Variants in SMYD3 observed in about 807,000 individuals in gnomAD.
The protein encoded by SMYD3 is SET and MYND domain containing 3.
Under a neutral mutation model 57.7 loss-of-function variants are expected in SMYD3, and 36 were observed. The observed-to-expected ratio is 0.62, with a 90% CI of 0.48 to 0.82. The LOEUF (loss-of-function observed/expected upper bound fraction) is 0.82. SMYD3 is among the 40% of genes least tolerant of loss of function. SMYD3 has a pLI of 0.00. For missense variants in SMYD3, 515 were observed against 538.8 expected, an observed-to-expected ratio of 0.96 and a Z score of 0.44; for synonymous variants, 211 against 195.0, an observed-to-expected ratio of 1.08 and a Z score of -0.68.
intron 2 of SMYD3, among the ~76,000 whole-genome samples, chr1:246,336,279 A>G (rs1259120863): frequency 1.3e-5 from 2 of 152,220 alleles, no homozygotes; most frequent in African/African-American, 4.8e-5. Flanking sequence ...TCACTTTCAT[A>G]TGGAAATAAA....
At chr1:246,079,602 T>A (rs2060605186) in intron 5 of SMYD3, among the ~76,000 whole-genome samples, 1 of 152,174 alleles carries the variant, frequency 6.6e-6, no homozygotes, top group Non-Finnish European at 1.5e-5. Flanking sequence ...TATATCATCA[T>A]CCCCCGACTG....
intron 1 of SMYD3, among the ~76,000 whole-genome samples, chr1:246,379,464 G>GA (rs1395380239): frequency 6.6e-6 from 1 of 152,052 alleles, no homozygotes; most frequent in African/African-American, 2.4e-5. Flanking sequence ...TAGAAAATCA[G>GA]AATTTTATAA....
intron 8 of SMYD3, among the ~76,000 whole-genome samples, chr1:245,879,729 C>T (rs2052674705): frequency 6.6e-6 from 1 of 152,188 alleles, no homozygotes; most frequent in Admixed American, 6.5e-5. Context: ...ATTCTTACTC[C>T]ACTCTGAAGA....
intron 1 of SMYD3, among the ~76,000 whole-genome samples, chr1:246,475,254 G>A (rs750429535): frequency 4.6e-5 from 7 of 151,526 alleles, no homozygotes; most frequent in Non-Finnish European, 8.8e-5. Flanking sequence ...GCTTGAACCC[G>A]GAAGAGGAGG....
At chr1:246,499,372 A>T (rs1016759757) in intron 1 of SMYD3, among the ~76,000 whole-genome samples, 7 of 150,222 alleles carry the variant, frequency 4.7e-5, no homozygotes, top group Non-Finnish European at 1.0e-4. Context: ...TATATGTAAC[A>T]ATTTTTTAAG....
chr1:245,884,626 A>C (rs935928687), intron 8 of SMYD3, among the ~76,000 whole-genome samples: 3 of 152,124 alleles, frequency 2.0e-5, no homozygotes, highest in Non-Finnish European at 4.4e-5. Flanking sequence ...CACGTGATTG[A>C]CAAAAGGGAA....
intron 5 of SMYD3, chr1:246,326,133 C>T (rs2065344881): frequency 5.4e-6 from 2 of 372,524 alleles, no homozygotes; most frequent in Non-Finnish European, 4.8e-6. Flanking sequence ...TTTAATTTTT[C>T]AGAAAACAGT....
chr1:246,147,612 C>G (rs1255320113), intron 5 of SMYD3, among the ~76,000 whole-genome samples: 1 of 151,772 alleles, frequency 6.6e-6, no homozygotes, highest in Non-Finnish European at 1.5e-5. Context: ...GCTTCCTGCT[C>G]TATGGAGCAG....
chr1:246,459,045 AGGGGCCTGAT>A (rs993037479), intron 1 of SMYD3, among the ~76,000 whole-genome samples: 2 of 151,996 alleles, frequency 1.3e-5, no homozygotes, highest in Non-Finnish European at 2.9e-5. Flanking sequence ...GTGTTGAAGG[AGGGGCCTGAT>A]GGGGGGGTGA....
At chr1:246,118,123 CT>C (rs2061370743) in intron 5 of SMYD3, among the ~76,000 whole-genome samples, 1 of 152,032 alleles carries the variant, frequency 6.6e-6, no homozygotes, top group Non-Finnish European at 1.5e-5. Flanking sequence ...ACCTGAAGTG[CT>C]AAAAAATTTC....
intron 5 of SMYD3, among the ~76,000 whole-genome samples, chr1:246,046,019 T>A (rs1052623684): frequency 1.3e-5 from 2 of 152,206 alleles, no homozygotes; most frequent in African/African-American, 4.8e-5. Context: ...ACTTTTACAT[T>A]GTTGGTGGGA....
At chr1:246,062,169 T>A (rs1005259057) in intron 5 of SMYD3, among the ~76,000 whole-genome samples, 1 of 109,626 alleles carries the variant, frequency 9.1e-6, no homozygotes, top group Non-Finnish European at 1.8e-5. Context: ...CCACATGTGA[T>A]TCATTCACAT....
intron 11 of SMYD3, among the ~76,000 whole-genome samples, chr1:245,757,282 C>A (rs1045492496): frequency 1.3e-5 from 2 of 152,036 alleles, no homozygotes; most frequent in African/African-American, 2.4e-5. Context: ...ATAATGCCTT[C>A]AAGGTTCATT....
chr1:245,763,957 G>T, intron 11 of SMYD3, 84 bp downstream of exon 11: 1 of 1,010,002 alleles, frequency 9.9e-7, no homozygotes, highest in Non-Finnish European at 1.6e-6. Flanking sequence ...CATACATAGA[G>T]CTGCTAACAA....
At chr1:245,765,699 A>G (rs914955064) in intron 10 of SMYD3, among the ~76,000 whole-genome samples, 3 of 152,122 alleles carry the variant, frequency 2.0e-5, no homozygotes, top group African/African-American at 7.2e-5. Context: ...GAAGGGAAGC[A>G]TATCCCAACC....
intron 5 of SMYD3, among the ~76,000 whole-genome samples, chr1:246,182,777 A>AG (rs1460671528): frequency 6.6e-6 from 1 of 152,170 alleles, no homozygotes; most frequent in Non-Finnish European, 1.5e-5. Context: ...AAGACTCAGG[A>AG]GGCCATTTCC....
intron 5 of SMYD3, among the ~76,000 whole-genome samples, chr1:246,244,439 C>T (rs2063669669): frequency 6.6e-6 from 1 of 151,930 alleles, no homozygotes; most frequent in Non-Finnish European, 1.5e-5. Flanking sequence ...TGGATAATAC[C>T]ACTTTATAAA....
rs533763806 is a variant in SMYD3 at position 246,354,764 on chromosome 1, G to A, written c.228+267C>T. Among the ~76,000 whole-genome samples, 142 of 152,120 alleles carry A rather than the reference G, an allele frequency of 9.3e-4. 1 individual carries two copies. Among genetic ancestry groups the A allele is most frequent in the Non-Finnish European group, 1.6e-3 (108 of 67,982 alleles). On this transcript the variant is annotated intron_variant, in intron 2 of 11. Coordinates refer to ENST00000490107, the MANE Select transcript of SMYD3 (RefSeq NM_001167740.2). The stretch of plus-strand genomic sequence containing the variant: ...GCCTGTGGAAATGAGAATTGAAGTC[G>A]GGGGGCAATAAGATGGGGAGGAATA...
chr1:246,101,808 C>T (rs1034015627), intron 5 of SMYD3, among the ~76,000 whole-genome samples: 1 of 152,200 alleles, frequency 6.6e-6, no homozygotes, highest in Non-Finnish European at 1.5e-5. Flanking sequence ...CATTAAGTGA[C>T]ACATAAATTG....
Sources: gnomAD v4.1 joint callset for allele counts (sites outside exome capture counted in the v4.1 genomes callset) on GRCh38, gnomAD v4.1.1 for gene constraint, MANE v1.5 for transcripts, NCBI Gene and HGNC (gene_info 2026-07-23, HGNC 2026-07-21) for gene names.